Variants in ACYP2 observed in about 807,000 individuals in gnomAD.
ACYP2 encodes acylphosphatase-2.
In ACYP2, 12 loss-of-function variants were observed where a neutral mutation model predicts 11.2. The observed-to-expected ratio is 1.08, with a 90% CI of 0.69 to 1.74. ACYP2 has a LOEUF of 1.74. Ranked by LOEUF, ACYP2 falls within the 40% of genes most tolerant of loss-of-function variation. The probability of loss-of-function intolerance (pLI) is 0.00; values close to 1 mark genes in which losing one functional copy is unlikely to be tolerated. For synonymous variants in ACYP2, 43 were observed against 32.2 expected, an observed-to-expected ratio of 1.33 and a Z score of -1.13; for missense variants, 134 against 101.9, an observed-to-expected ratio of 1.31 and a Z score of -1.35.
intron 6 of ACYP2, among the ~76,000 whole-genome samples, chr2:54,187,760 A>G (rs112048836): frequency 0.013 from 1,980 of 152,238 alleles, 50 homozygotes; most frequent in African/African-American, 0.046. Context: ...GCATAAGCCA[A>G]GCTCTCCTTT....
intron 4 of ACYP2, among the ~76,000 whole-genome samples, chr2:54,096,425 C>T (rs980313888): frequency 2.0e-4 from 31 of 151,954 alleles, no homozygotes; most frequent in Admixed American, 9.8e-4. Context: ...ACTTCCCAGA[C>T]GGGGTGGCGG....
rs961203906 is a variant in ACYP2, at chr2:53,971,339, A to T, written c.-37+18A>T. 3.3e-5 allele frequency: 5 copies of T among 152,500 alleles called. No individual in the cohort carries two copies. The East Asian group carries it at 9.6e-4, about 29-fold the overall frequency. The allele number at this position is 152,500 out of a possible 1,614,324, so 9.4% of individuals were successfully genotyped here. On this transcript the variant is annotated intron_variant, in intron 1 of 6. Transcript: ENST00000607452. ...GCAGCCAGGTCGGCCTGGTCCCCCTAGCCGAGCAGCCCCGGCTTCTGGGTT... is the reference window on the plus strand; with the variant it reads ...GCAGCCAGGTCGGCCTGGTCCCCCTTGCCGAGCAGCCCCGGCTTCTGGGTT...
At chr2:54,138,900 C>T (rs1369632405) in intron 6 of ACYP2, 152 bp downstream of exon 3, 2 of 648,216 alleles carry the variant, frequency 3.1e-6, no homozygotes, top group East Asian at 2.8e-5. Context: ...TCAGATCTCC[C>T]CGACTCAGCC....
chr2:54,257,172 G>T (rs931583092), intron 6 of ACYP2, among the ~76,000 whole-genome samples: 1 of 151,970 alleles, frequency 6.6e-6, no homozygotes, highest in Non-Finnish European at 1.5e-5. Flanking sequence ...CTAGGAGTTG[G>T]AGACCAGCCT....
chr2:54,266,346 A>G (rs1302028080), intron 6 of ACYP2, among the ~76,000 whole-genome samples: 2 of 152,132 alleles, frequency 1.3e-5, no homozygotes, highest in African/African-American at 4.8e-5. Flanking sequence ...TGTTTGGGGT[A>G]GGGGACAGGA....
chr2:54,108,813 T>C (rs1156758804), intron 4 of ACYP2, among the ~76,000 whole-genome samples: 1 of 152,226 alleles, frequency 6.6e-6, no homozygotes, highest in Non-Finnish European at 1.5e-5. Context: ...TCTCACTCAA[T>C]ACCTTCAGAT....
intron 2 of ACYP2, chr2:54,029,641 G>A (rs1362775913): frequency 5.4e-6 from 2 of 370,484 alleles, no homozygotes; most frequent in East Asian, 1.4e-4. Flanking sequence ...TCCTTCATGC[G>A]TTTCAGGAAA....
intron 6 of ACYP2, among the ~76,000 whole-genome samples, chr2:54,197,725 A>AGTAGAAGGCTAGTGGG (rs1435236715): frequency 6.6e-6 from 1 of 152,088 alleles, no homozygotes; most frequent in Non-Finnish European, 1.5e-5. Flanking sequence ...TTGAGGAATA[A>AGTAGAAGGCTAGTGGG]GTAGAAGGCT....
intron 2 of ACYP2, among the ~76,000 whole-genome samples, chr2:53,975,660 G>C (rs562269565): frequency 2.0e-5 from 3 of 151,950 alleles, no homozygotes; most frequent in African/African-American, 7.3e-5. Context: ...CTGAAACCCC[G>C]TCTCTACTAA....
chr2:54,243,501 CATTT>C (rs1372670473), intron 6 of ACYP2, among the ~76,000 whole-genome samples: 2 of 151,930 alleles, frequency 1.3e-5, no homozygotes, highest in Non-Finnish European at 2.9e-5. Context: ...TTCATTCATT[CATTT>C]ATTTTTTGAG....
At chr2:54,103,405 CATCTTA>C (rs1404829279) in intron 4 of ACYP2, among the ~76,000 whole-genome samples, 5 of 152,214 alleles carry the variant, frequency 3.3e-5, no homozygotes, top group African/African-American at 1.2e-4. Flanking sequence ...GTGTTCCTAA[CATCTTA>C]ACCTTGGTCT....
chr2:54,095,039 C>T (rs950097028), intron 4 of ACYP2, among the ~76,000 whole-genome samples: 4 of 150,056 alleles, frequency 2.7e-5, no homozygotes, highest in African/African-American at 9.8e-5. Flanking sequence ...TGCGGCCTTC[C>T]GCGGTGTTTG....
rs573137716 is a variant in ACYP2, at chr2:53,973,855, ATGTGTGTGTGTGTGTGTGTGTGTGTG to A, written c.62+67_62+92del. ...GGATTTTTGAATGTGGGATATATAT[ATGTGTGTGTGTGTGTGTGTGTGTGTG>A]TGTGTGTGTGTGTGTGTGTGTATAT... On this transcript the variant is annotated intron_variant, in intron 2 of 6. Coordinates refer to ENST00000607452, the MANE Select transcript of ACYP2 (RefSeq NM_001320586.2). 5.6e-5 allele frequency: 7 copies of A among 124,442 alleles called. 1 individual carries two copies. The South Asian group carries it at 2.0e-3, about 36-fold the overall frequency. The allele number at this position is 124,442 out of a possible 1,614,324, so 7.7% of individuals were successfully genotyped here. A position where few individuals can be genotyped will look rare whatever the true frequency, so the allele number is the denominator to read the frequency against.
intron 4 of ACYP2, among the ~76,000 whole-genome samples, chr2:54,096,339 A>C (rs952552728): frequency 7.1e-6 from 1 of 141,196 alleles, no homozygotes; most frequent in Non-Finnish European, 1.5e-5. Context: ...GACGCTCCTC[A>C]CTTTCCAGAC....
intron 6 of ACYP2, among the ~76,000 whole-genome samples, chr2:54,161,081 G>A (rs1572872135): frequency 6.6e-6 from 1 of 152,230 alleles, no homozygotes; most frequent in East Asian, 1.9e-4. Flanking sequence ...CGGAGCCCAG[G>A]GTAAGTTCCA....
At chr2:54,249,980 G>C (rs1387300152) in intron 6 of ACYP2, among the ~76,000 whole-genome samples, 1 of 144,212 alleles carries the variant, frequency 6.9e-6, no homozygotes, top group Admixed American at 6.9e-5. Flanking sequence ...AACTCACATA[G>C]TTTTCATCCT....
intron 6 of ACYP2, among the ~76,000 whole-genome samples, chr2:54,184,576 C>A (rs952096848): frequency 6.6e-6 from 1 of 151,880 alleles, no homozygotes; most frequent in Non-Finnish European, 1.5e-5. Flanking sequence ...AAATAAGATA[C>A]CATTCATGGT....
intron 4 of ACYP2, among the ~76,000 whole-genome samples, chr2:54,131,976 G>A (rs1680924690): frequency 6.6e-6 from 1 of 152,202 alleles, no homozygotes; most frequent in Non-Finnish European, 1.5e-5. Context: ...ATAGGAAAGA[G>A]ATGGACTACG....
intron 4 of ACYP2, among the ~76,000 whole-genome samples, chr2:54,103,287 T>G (rs1678998185): frequency 1.3e-5 from 2 of 152,216 alleles, no homozygotes; most frequent in African/African-American, 4.8e-5. Flanking sequence ...ACATCATTGT[T>G]TTATTTCACA....
Sources: allele counts gnomAD v4.1 joint callset (sites outside exome capture counted in the v4.1 genomes callset), GRCh38; gene constraint gnomAD v4.1.1; transcripts MANE v1.5; gene names NCBI Gene and HGNC (gene_info 2026-07-23, HGNC 2026-07-21).